The following DLGAP1 variants were observed in gnomAD, a reference collection of about 807,000 sequenced individuals.
DLGAP1 encodes the protein DLG associated protein 1.
A neutral mutation model predicts 90.8 loss-of-function variants in DLGAP1; 11 were observed. The ratio of observed to expected loss-of-function variants is 0.12; its 90% CI spans 0.08 to 0.20. The LOEUF is 0.20. Among genes scored for constraint, DLGAP1 ranks in the 10% least tolerant of loss-of-function variants. The pLI, the probability that DLGAP1 is intolerant of heterozygous loss-of-function variation, is 1.00. For synonymous variants in DLGAP1, 558 were observed against 540.7 expected (o/e 1.03, Z -0.44); for missense variants, 1,050 against 1,333.8 (o/e 0.79, Z 3.31).
chr18:3,846,092 G>T (rs1162781635), intron 4 of DLGAP1, among the ~76,000 whole-genome samples: 1 of 140,840 alleles, frequency 7.1e-6, no homozygotes, highest in Non-Finnish European at 1.5e-5. Flanking sequence ...CTCATTTCGG[G>T]ATGGGGCAAA....
At chr18:3,716,675 T>C (rs1314737600) in intron 7 of DLGAP1, among the ~76,000 whole-genome samples, 1 of 152,160 alleles carries the variant, frequency 6.6e-6, no homozygotes, top group Non-Finnish European at 1.5e-5. Context: ...CATTTCCTTC[T>C]AGTATTTTTT....
chr18:4,452,032 A>G (rs1356469540), intron 1 of DLGAP1, among the ~76,000 whole-genome samples: 1 of 152,182 alleles, frequency 6.6e-6, no homozygotes, highest in East Asian at 1.9e-4. Context: ...TAAACAAAAT[A>G]ACCTAAAATT....
At chr18:3,623,863 A>G (rs1195195122) in intron 7 of DLGAP1, among the ~76,000 whole-genome samples, 2 of 151,274 alleles carry the variant, frequency 1.3e-5, no homozygotes, top group African/African-American at 4.9e-5. Context: ...TCATCAGGGC[A>G]GCCTCCAGCC....
chr18:3,705,033 G>C (rs1411029495), intron 7 of DLGAP1, among the ~76,000 whole-genome samples: 1 of 152,202 alleles, frequency 6.6e-6, no homozygotes, highest in Non-Finnish European at 1.5e-5. Context: ...GGACAAAAGT[G>C]TGCATCTCTA....
At chr18:3,670,315 T>C (rs1244755450) in intron 7 of DLGAP1, among the ~76,000 whole-genome samples, 1 of 152,154 alleles carries the variant, frequency 6.6e-6, no homozygotes, top group African/African-American at 2.4e-5. Flanking sequence ...TGGAAACATA[T>C]ATTCATTTTC....
intron 1 of DLGAP1, among the ~76,000 whole-genome samples, chr18:4,398,998 AT>A (rs569973919): frequency 2.6e-5 from 4 of 151,898 alleles, no homozygotes; most frequent in East Asian, 1.9e-4. Context: ...CGCCTGGTTA[AT>A]TTTTTTTATT....
At chr18:4,172,287 T>A (rs1201572998) in intron 1 of DLGAP1, among the ~76,000 whole-genome samples, 10 of 152,352 alleles carry the variant, frequency 6.6e-5, no homozygotes, top group African/African-American at 2.4e-4. Flanking sequence ...GTTGACAGGA[T>A]GTGGCCACCT....
chr18:4,387,860 G>A (rs993526225), intron 1 of DLGAP1, among the ~76,000 whole-genome samples: 2 of 151,702 alleles, frequency 1.3e-5, no homozygotes, highest in African/African-American at 4.8e-5. Context: ...GAACCCGGGA[G>A]GTGGATGCTG....
intron 1 of DLGAP1, among the ~76,000 whole-genome samples, chr18:4,439,547 T>C (rs1205345653): frequency 6.6e-6 from 1 of 152,188 alleles, no homozygotes; most frequent in Non-Finnish European, 1.5e-5. Flanking sequence ...GGCTCATGCC[T>C]GTAATCCCAG....
intron 5 of DLGAP1, among the ~76,000 whole-genome samples, chr18:3,772,946 C>T (rs576071727): frequency 5.8e-4 from 89 of 152,276 alleles, no homozygotes; most frequent in African/African-American, 2.1e-3. Context: ...TGAACGGAGC[C>T]CCTGGTCCTT....
intron 1 of DLGAP1, among the ~76,000 whole-genome samples, chr18:4,299,100 A>C (rs78039166): frequency 6.0e-5 from 8 of 134,106 alleles, no homozygotes; most frequent in East Asian, 2.2e-4. Context: ...AAAAAAAAAA[A>C]AAAAAAAAAA....
rs2073643658 is a variant in DLGAP1 at position 3,978,301 on chromosome 18, CA to C, written c.-73+26814del. ...CCTGCAAGTGAGCCTCAGCCTTCTC[CA>C]TGGTCATGAAGACACCAGTGGACTC... On this transcript the variant is annotated intron_variant, in intron 3 of 12. Transcript: ENST00000315677. The C allele has an allele frequency of 7.4e-6, 3 of 402,724 alleles. 1 individual carries two copies. Among genetic ancestry groups the C allele is most frequent in the Middle Eastern group, 9.7e-4 (1 of 1,032 alleles). The allele number at this position is 402,724 out of a possible 1,614,324, so 24.9% of individuals were successfully genotyped here.
At chr18:3,891,102 G>A (rs1486948258) in intron 3 of DLGAP1, among the ~76,000 whole-genome samples, 1 of 152,196 alleles carries the variant, frequency 6.6e-6, no homozygotes, top group African/African-American at 2.4e-5. Flanking sequence ...TCAACTTCCT[G>A]TCTCATAAGT....
chr18:4,401,769 T>G (rs565326369), intron 1 of DLGAP1, among the ~76,000 whole-genome samples: 1 of 152,356 alleles, frequency 6.6e-6, no homozygotes, highest in Non-Finnish European at 1.5e-5. Flanking sequence ...TAATGCTGAA[T>G]GTTATCTATG....
At chr18:3,639,413 A>C (rs559325079) in intron 7 of DLGAP1, among the ~76,000 whole-genome samples, 2 of 150,836 alleles carry the variant, frequency 1.3e-5, no homozygotes, top group Admixed American at 6.6e-5. Flanking sequence ...AAAATCCCCA[A>C]AGCTGTGAAC....
In DLGAP1 at chr18:3,583,263, T is replaced by A. The variant is rs151112101; in HGVS notation, c.1592-1015A>T. Among the ~76,000 whole-genome samples, 646 of 147,414 alleles carry A rather than the reference T, an allele frequency of 4.4e-3. 4 individuals are homozygous for A. Among genetic ancestry groups the A allele is most frequent in the African/African-American group, 0.015 (611 of 39,958 alleles). On this transcript the variant is annotated intron_variant, in intron 7 of 12. Transcript: ENST00000315677. ...CTCTGTCCCTCTGTGTTTCCCCACC[T>A]CCTTCCCTTCTTTCCTTCCTTCCCT...
chr18:3,553,241 T>A (rs2053573434), intron 9 of DLGAP1, among the ~76,000 whole-genome samples: 1 of 152,200 alleles, frequency 6.6e-6, no homozygotes, highest in Admixed American at 6.5e-5. Flanking sequence ...GAAAACTTTT[T>A]AAATAATGTT....
At chr18:3,608,833 A>G (rs1437940680) in intron 7 of DLGAP1, among the ~76,000 whole-genome samples, 3 of 152,052 alleles carry the variant, frequency 2.0e-5, no homozygotes, top group Non-Finnish European at 4.4e-5. Flanking sequence ...AATACTCCAA[A>G]GTCTGAAACT....
chr18:4,424,713 A>C (rs1451824427), intron 1 of DLGAP1, among the ~76,000 whole-genome samples: 2 of 152,210 alleles, frequency 1.3e-5, no homozygotes, highest in Non-Finnish European at 2.9e-5. Context: ...AAATTGGAAA[A>C]GATAAAAGCA....
Sources: gnomAD v4.1 joint callset for allele counts (sites outside exome capture counted in the v4.1 genomes callset) on GRCh38, gnomAD v4.1.1 for gene constraint, MANE v1.5 for transcripts, NCBI Gene and HGNC (gene_info 2026-07-23, HGNC 2026-07-21) for gene names.